The following FGL1 variants were observed in gnomAD, a reference collection of about 807,000 sequenced individuals.
FGL1 encodes fibrinogen-like protein 1.
Under a neutral mutation model 43.7 loss-of-function variants are expected in FGL1, and 59 were observed. That is an observed-to-expected ratio of 1.35 (90% CI 1.10 to 1.68). FGL1 has a LOEUF of 1.68. FGL1 is among the 40% of genes most tolerant of loss of function. The probability of loss-of-function intolerance (pLI) is 0.00; values close to 1 mark genes in which losing one functional copy is unlikely to be tolerated. For missense variants in FGL1, 596 were observed against 373.0 expected (o/e 1.60, Z -4.92); for synonymous variants, 192 against 126.5 (o/e 1.52, Z -3.48).
chr8:17,884,531 A>G (rs924221189), intron 2 of FGL1, among the ~76,000 whole-genome samples: 3 of 152,034 alleles, frequency 2.0e-5, no homozygotes, highest in African/African-American at 7.2e-5. Context: ...TTGTTACTCT[A>G]TCCCTAACAC....
At chr8:17,883,271 T>C (rs1247066149) in intron 2 of FGL1, among the ~76,000 whole-genome samples, 1 of 67,066 alleles carries the variant, frequency 1.5e-5, no homozygotes, top group Non-Finnish European at 2.4e-5. Flanking sequence ...TATAATATAT[T>C]AAATAATATA....
intron 1 of FGL1, 157 bp from the exon 2 acceptor site, chr8:17,885,728 C>CA: frequency 1.7e-6 from 1 of 605,872 alleles, no homozygotes; most frequent in Non-Finnish European, 2.9e-6. Flanking sequence ...CCCAGCCTCT[C>CA]ACCACACAGA....
intron 7 of FGL1, 110 bp downstream of exon 7, chr8:17,868,438 C>G (rs181843066): frequency 6.3e-6 from 5 of 793,178 alleles, no homozygotes; most frequent in Non-Finnish European, 8.9e-6. Flanking sequence ...CTTAATAATA[C>G]TAATATTATA....
chr8:17,888,097 G>A (rs2053655350), intron 1 of FGL1, among the ~76,000 whole-genome samples: 1 of 151,950 alleles, frequency 6.6e-6, no homozygotes, highest in African/African-American at 2.4e-5. Context: ...GTTTTTATAT[G>A]TAATGTATTA....
intron 7 of FGL1, among the ~76,000 whole-genome samples, chr8:17,867,654 G>A (rs931633707): frequency 6.6e-6 from 1 of 152,228 alleles, no homozygotes; most frequent in Non-Finnish European, 1.5e-5. Context: ...TGATAACTCA[G>A]ACTTCTACTA....
At chr8:17,865,608 T>C (rs191911048) in intron 7 of FGL1, among the ~76,000 whole-genome samples, 6 of 152,316 alleles carry the variant, frequency 3.9e-5, no homozygotes, top group African/African-American at 1.4e-4. Context: ...ATCGACAATA[T>C]AAAAATGTTT....
At chr8:17,871,826 A>G (rs1157582905) in intron 5 of FGL1, among the ~76,000 whole-genome samples, 1 of 152,212 alleles carries the variant, frequency 6.6e-6, no homozygotes, top group East Asian at 1.9e-4. Context: ...AGCCAGCCTG[A>G]GTACCAAGTT....
At chr8:17,870,128 A>G (rs920340750) in intron 5 of FGL1, among the ~76,000 whole-genome samples, 6 of 151,880 alleles carry the variant, frequency 4.0e-5, no homozygotes, top group Non-Finnish European at 8.8e-5. Context: ...ACAAAAAAAC[A>G]AAAAAAAGAA....
intron 2 of FGL1, among the ~76,000 whole-genome samples, chr8:17,882,952 A>ATATATCTC (rs1563457841): frequency 4.9e-4 from 48 of 98,692 alleles, no homozygotes; most frequent in African/African-American, 2.7e-3. Context: ...AATAATATAT[A>ATATATCTC]ATATATATCA....
At chr8:17,885,621 T>C in intron 1 of FGL1, 50 bp from the exon 2 acceptor site, 1 of 1,529,234 alleles carries the variant, frequency 6.5e-7, no homozygotes, top group South Asian at 1.1e-5. Context: ...GAATTTTTCA[T>C]GAGACCAGAG....
At chr8:17,874,205 C>T (rs1337328402) in intron 4 of FGL1, 89 bp from the exon 5 acceptor site, 4 of 1,351,398 alleles carry the variant, frequency 3.0e-6, no homozygotes, top group Non-Finnish European at 4.2e-6. Context: ...CCACCACCTC[C>T]AATATTTTCT....
intron 7 of FGL1, among the ~76,000 whole-genome samples, chr8:17,865,342 T>C (rs542591267): frequency 5.5e-4 from 84 of 152,330 alleles, no homozygotes; most frequent in Middle Eastern, 6.8e-3. Context: ...CAAGGTGCTC[T>C]ACTACTGGCT....
At chr8:17,890,535 G>C (rs1311126439) in intron 1 of FGL1, among the ~76,000 whole-genome samples, 2 of 152,050 alleles carry the variant, frequency 1.3e-5, no homozygotes, top group Non-Finnish European at 2.9e-5. Context: ...ACATCCTTCA[G>C]GTCTTTGCTC....
At chr8:17,880,892 G>A (rs903208260) in intron 3 of FGL1, among the ~76,000 whole-genome samples, 7 of 152,160 alleles carry the variant, frequency 4.6e-5, no homozygotes, top group African/African-American at 1.7e-4. Context: ...TTTCTGGGGA[G>A]AAATACCTCA....
chr8:17,885,020 T>C (rs909910970), intron 2 of FGL1, among the ~76,000 whole-genome samples: 5 of 151,836 alleles, frequency 3.3e-5, no homozygotes, highest in African/African-American at 1.2e-4. Flanking sequence ...TTATGAATAC[T>C]TTTTATTTAA....
chr8:17,864,680 A>T lies in FGL1; in HGVS notation c.851T>A (p.Val284Asp). Reference protein sequence around the residue: ...PYTAKTDNGIVWYTWHGWWYS... With the variant: ...PYTAKTDNGIDWYTWHGWWYS... ...CCACCACCCATGCCAGGTGTACCAG[A>T]CAATCCCATTGTCTGTTTTAGCCGT... The change falls in exon 8 of 8, where the codon GTC (valine) becomes GAC (aspartate). Residue 284 changes from valine to aspartate, a missense_variant. Coordinates refer to ENST00000427924, the MANE Select transcript of FGL1 (RefSeq NM_004467.4). 1 of 1,613,734 alleles carries T rather than the reference A, an allele frequency of 6.2e-7. No homozygotes were observed. The highest frequency in any genetic ancestry group is 8.5e-7 in the Non-Finnish European group (1 of 1,179,920).
chr8:17,866,371 G>C (rs1446694156), intron 7 of FGL1, among the ~76,000 whole-genome samples: 1 of 152,090 alleles, frequency 6.6e-6, no homozygotes, highest in Non-Finnish European at 1.5e-5. Flanking sequence ...TTTATAGGTG[G>C]GTAATATTTA....
intron 7 of FGL1, among the ~76,000 whole-genome samples, chr8:17,866,499 C>A (rs967312342): frequency 1.1e-4 from 16 of 152,166 alleles, no homozygotes; most frequent in Admixed American, 2.0e-4. Context: ...AGAAGTAGCA[C>A]CAAGTTTCTA....
chr8:17,889,800 T>C (rs1244417913), intron 1 of FGL1, among the ~76,000 whole-genome samples: 1 of 152,228 alleles, frequency 6.6e-6, no homozygotes, highest in Middle Eastern at 3.2e-3. Context: ...TGAACATTTC[T>C]GACTTAGAAA....
Sources: gnomAD v4.1 joint callset for allele counts (sites outside exome capture counted in the v4.1 genomes callset) on GRCh38, gnomAD v4.1.1 for gene constraint, MANE v1.5 for transcripts, NCBI Gene and HGNC (gene_info 2026-07-23, HGNC 2026-07-21) for gene names.